IL20RB: variants seen among roughly 807,000 people sequenced by gnomAD.
IL20RB encodes the protein interleukin-20 receptor subunit beta.
IL20RB carries 21 observed loss-of-function variants against 33.3 expected under a neutral mutation model. The ratio of observed to expected loss-of-function variants is 0.63; its 90% CI spans 0.45 to 0.91. The LOEUF (loss-of-function observed/expected upper bound fraction) is 0.91. IL20RB is among the 40% of genes least tolerant of loss of function. The pLI is 0.00. For missense variants in IL20RB, 345 were observed against 384.8 expected (o/e 0.90, Z 0.86); for synonymous variants, 147 against 146.8 (o/e 1.00, Z -0.01).
intron 4 of IL20RB, among the ~76,000 whole-genome samples, chr3:136,990,544 C>A (rs768527650): frequency 3.3e-5 from 5 of 152,204 alleles, no homozygotes; most frequent in Non-Finnish European, 5.9e-5. Flanking sequence ...TCACTGTGTC[C>A]TCTCTCCTTT....
At chr3:137,002,441 A>G (rs553727845) in intron 6 of IL20RB, among the ~76,000 whole-genome samples, 3 of 152,018 alleles carry the variant, frequency 2.0e-5, no homozygotes, top group Non-Finnish European at 4.4e-5. Flanking sequence ...CATCTGTTGT[A>G]TCCTGACTTT....
At chr3:137,003,059 C>T (rs537755355) in intron 6 of IL20RB, among the ~76,000 whole-genome samples, 1 of 152,166 alleles carries the variant, frequency 6.6e-6, no homozygotes, top group East Asian at 1.9e-4. Context: ...TTGTCAGGTT[C>T]ATCAAAGATC....
chr3:136,986,854 T>C, intron 3 of IL20RB: 1 of 425,804 alleles, frequency 2.3e-6, no homozygotes, highest in Non-Finnish European at 4.7e-6. Context: ...GTGTTCAGAG[T>C]TTCTTCCTTC....
rs184789229 is a variant in IL20RB at position 137,000,688 on chromosome 3, G to A, written c.825+5132G>A. Among the ~76,000 whole-genome samples, 210 of 152,300 alleles carry A rather than the reference G, an allele frequency of 1.4e-3. 3 individuals are homozygous for A. The highest frequency in any genetic ancestry group is 0.011 in the Admixed American group (171 of 15,288). On this transcript the variant is annotated intron_variant, in intron 6 of 6. Transcript: ENST00000329582. ...GGAATCCCTTGACCTAATCCAAAGCGATGGTAATGGTAGGGAGCATTTCTG... is the reference window on the plus strand; with the variant it reads ...GGAATCCCTTGACCTAATCCAAAGCAATGGTAATGGTAGGGAGCATTTCTG...
rs189098467 is a variant in IL20RB, at chr3:136,994,874, A to G, written c.683-540A>G. ...AGCAACTACACGTCCAGCCCCCAGCATAGTTCTGGAAGGCAGTAGTAGCCC... is the reference window on the plus strand; with the variant it reads ...AGCAACTACACGTCCAGCCCCCAGCGTAGTTCTGGAAGGCAGTAGTAGCCC... On this transcript the variant is annotated intron_variant, in intron 5 of 6. Transcript: ENST00000329582. 9.6e-3 allele frequency among the ~76,000 whole-genome samples: 1,455 copies of G among 152,346 alleles called. 11 individuals carry two copies. The highest frequency in any genetic ancestry group is 0.014 in the Non-Finnish European group (985 of 68,012).
At chr3:136,999,916 G>A (rs187200120) in intron 6 of IL20RB, among the ~76,000 whole-genome samples, 1 of 152,090 alleles carries the variant, frequency 6.6e-6, no homozygotes, top group Admixed American at 6.5e-5. Flanking sequence ...CTGTCTTTGA[G>A]CATCATTATA....
At chr3:136,973,910 G>A (rs1012310192) in intron 1 of IL20RB, among the ~76,000 whole-genome samples, 2 of 151,892 alleles carry the variant, frequency 1.3e-5, no homozygotes, top group Admixed American at 6.6e-5. Flanking sequence ...TTTCATTTGT[G>A]TGGAGAATAT....
At chr3:136,972,331 T>C (rs1941506475) in intron 1 of IL20RB, among the ~76,000 whole-genome samples, 1 of 152,230 alleles carries the variant, frequency 6.6e-6, no homozygotes, top group East Asian at 1.9e-4. Flanking sequence ...CTTTTTAGTT[T>C]AATGCAGTCC....
chr3:137,005,336 C>T (rs551942037), intron 6 of IL20RB, among the ~76,000 whole-genome samples: 123 of 152,248 alleles, frequency 8.1e-4, no homozygotes, highest in Admixed American at 9.2e-4. Flanking sequence ...CCTTCTGTCT[C>T]GTTGATCTGT....
intron 3 of IL20RB, among the ~76,000 whole-genome samples, chr3:136,987,904 C>A (rs1359375967): frequency 6.6e-6 from 1 of 152,212 alleles, no homozygotes; most frequent in African/African-American, 2.4e-5. Context: ...CAAGCCCACG[C>A]CCACCCGGAA....
intron 5 of IL20RB, among the ~76,000 whole-genome samples, chr3:136,993,725 T>G (rs1942075756): frequency 6.6e-6 from 1 of 152,012 alleles, no homozygotes; most frequent in Non-Finnish European, 1.5e-5. Context: ...TCCCTCATTT[T>G]TAAAGAGCCA....
At chr3:137,008,023 T>G (rs1932972252) in intron 6 of IL20RB, among the ~76,000 whole-genome samples, 1 of 152,226 alleles carries the variant, frequency 6.6e-6, no homozygotes, top group South Asian at 2.1e-4. Flanking sequence ...ATAATTTATT[T>G]TCTTTGTCTT....
At chr3:136,980,880 T>C (rs1040562259) in intron 2 of IL20RB, among the ~76,000 whole-genome samples, 1 of 152,232 alleles carries the variant, frequency 6.6e-6, no homozygotes, top group African/African-American at 2.4e-5. Context: ...TGACTTGAGA[T>C]GGATAAATCA....
chr3:136,981,397 G>C (rs931443038), intron 2 of IL20RB, among the ~76,000 whole-genome samples: 8 of 152,134 alleles, frequency 5.3e-5, no homozygotes, highest in Admixed American at 2.6e-4. Context: ...TAGAATATTT[G>C]CATCATCACA....
chr3:136,994,700 G>A (rs886255179), intron 5 of IL20RB, among the ~76,000 whole-genome samples: 1 of 152,076 alleles, frequency 6.6e-6, no homozygotes, highest in Non-Finnish European at 1.5e-5. Flanking sequence ...TGCTCAGATC[G>A]GGCCTTTTCT....
chr3:136,980,106 G>A (rs1448693667), intron 1 of IL20RB, among the ~76,000 whole-genome samples: 1 of 152,152 alleles, frequency 6.6e-6, no homozygotes, highest in Non-Finnish European at 1.5e-5. Flanking sequence ...AGACAGTCAT[G>A]TAACAATCCA....
At chr3:136,962,466 A>G (rs1460960984) in intron 1 of IL20RB, among the ~76,000 whole-genome samples, 3 of 152,272 alleles carry the variant, frequency 2.0e-5, no homozygotes, top group South Asian at 2.1e-4. Flanking sequence ...AAAAAATGTC[A>G]AGGTCGGCCA....
intron 6 of IL20RB, among the ~76,000 whole-genome samples, chr3:137,004,090 C>G (rs1277268917): frequency 6.6e-6 from 1 of 152,158 alleles, no homozygotes; most frequent in Admixed American, 6.5e-5. Flanking sequence ...GTTGAATCAG[C>G]CTTGCATCCC....
intron 1 of IL20RB, among the ~76,000 whole-genome samples, chr3:136,964,105 T>C (rs1941310661): frequency 2.0e-5 from 1 of 50,902 alleles, no homozygotes; most frequent in African/African-American, 9.4e-5. Context: ...GTTGGACATT[T>C]GGGTTGGTTC....
Sources: gnomAD v4.1 joint callset for allele counts (sites outside exome capture counted in the v4.1 genomes callset) on GRCh38, gnomAD v4.1.1 for gene constraint, MANE v1.5 for transcripts, NCBI Gene and HGNC (gene_info 2026-07-23, HGNC 2026-07-21) for gene names.